The following URM1 variants were observed in gnomAD, a reference collection of about 807,000 sequenced individuals.
URM1 encodes the protein ubiquitin-related modifier 1.
A neutral mutation model predicts 17.7 loss-of-function variants in URM1; 11 were observed. The observed-to-expected ratio is 0.62, with a 90% CI of 0.39 to 1.03. The LOEUF is 1.03. URM1 is among the 50% of genes least tolerant of loss of function. The pLI, the probability that URM1 is intolerant of heterozygous loss-of-function variation, is 0.00. For synonymous variants in URM1, 48 were observed against 50.6 expected (o/e 0.95, Z 0.22); for missense variants, 128 against 129.2 (o/e 0.99, Z 0.04).
rs1254288088 is a variant in URM1, at chr9:128,387,912, T to A, written c.188+15T>A. 6.2e-7 allele frequency: 1 copy of A among 1,613,884 alleles called. No individual in the cohort carries two copies. Among genetic ancestry groups the A allele is most frequent in the East Asian group, 2.2e-5 (1 of 44,880 alleles). Reference sequence around the variant, plus strand: ...GGAGACAGCGTGTGAGTCCCACTCCTCCCTTCCCTGAAGCAGGTGGAGGGA... The same window carrying A: ...GGAGACAGCGTGTGAGTCCCACTCCACCCTTCCCTGAAGCAGGTGGAGGGA... On this transcript the variant is annotated intron_variant, in intron 3 of 4. Coordinates refer to ENST00000372853, the MANE Select transcript of URM1 (RefSeq NM_030914.4). The surrounding 1 kb of genome is among the most constrained non-coding windows in gnomAD (Gnocchi z 4.3).
At chr9:128,388,419 G>A (rs1564413338) in intron 3 of URM1, 1 of 986,146 alleles carries the variant, frequency 1.0e-6, no homozygotes, top group Non-Finnish European at 1.2e-6. Context: ...TAGAAGCCCA[G>A]TGCAGTCTCC....
intron 3 of URM1, chr9:128,388,361 C>T (rs1265248661): frequency 9.1e-6 from 9 of 993,002 alleles, no homozygotes; most frequent in East Asian, 1.1e-4. Flanking sequence ...TGACTCTGTG[C>T]GTGCACACAC....
intron 1 of URM1, among the ~76,000 whole-genome samples, chr9:128,377,065 A>G (rs1035922402): frequency 1.3e-5 from 2 of 152,190 alleles, no homozygotes; most frequent in Non-Finnish European, 2.9e-5. Context: ...TATGTCACCA[A>G]GGCTCTATTT....
Position 128,389,254 on chromosome 9 carries a change from C to A in URM1, c.189-7C>A, listed in dbSNP as rs1418748987. The A allele has an allele frequency of 2.5e-6, 4 of 1,591,848 alleles. No individual in the cohort carries two copies. The highest frequency in any genetic ancestry group is 3.4e-6 in the Non-Finnish European group (4 of 1,166,604). On this transcript the variant is annotated splice_region_variant and splice_polypyrimidine_tract_variant and intron_variant, in intron 3 of 4. Transcript: ENST00000372853. The stretch of plus-strand genomic sequence containing the variant: ...CTCCTTGCTACTCACCACCATCTTT[C>A]CCACAGGCGGCCAGGAATTCTGGTG...
Position 128,389,876 on chromosome 9 carries a change from A to G in URM1, c.*142A>G, listed in dbSNP as rs966704562. Reference sequence around the variant, plus strand: ...CCCCTAAGCTCCCTCCAGGCAGGGAAAAGAGGCCAGGTGCTAAAAATGAGC... The same window carrying G: ...CCCCTAAGCTCCCTCCAGGCAGGGAGAAGAGGCCAGGTGCTAAAAATGAGC... On this transcript the variant is annotated 3_prime_UTR_variant, in exon 5 of 5. Coordinates refer to ENST00000372853, the MANE Select transcript of URM1 (RefSeq NM_030914.4). The G allele has an allele frequency of 5.9e-6, 7 of 1,180,962 alleles. No homozygotes were observed. Among genetic ancestry groups the G allele is most frequent in the African/African-American group, 1.6e-5 (1 of 64,438 alleles). 73.2% of individuals were successfully genotyped at this position (1,180,962 alleles called of 1,614,324 possible). A position where few individuals can be genotyped will look rare whatever the true frequency, so the allele number is the denominator to read the frequency against.
At chr9:128,381,063 A>G (rs1362912036) in intron 2 of URM1, among the ~76,000 whole-genome samples, 2 of 151,970 alleles carry the variant, frequency 1.3e-5, no homozygotes, top group African/African-American at 4.8e-5. Context: ...TGACCTGGTG[A>G]TCCGCCCGCC....
In URM1 at chr9:128,371,390, C is replaced by T. The variant is rs1268606595; in HGVS notation, c.10C>T (p.Pro4Ser). MAA[P>S]LSVEVEFGGG... ...GCTCGGCTTCCTCAACATGGCTGCG[C>T]CCTTGTCAGTGGAGGTGGAGTTCGG... The change falls in exon 1 of 5, where the codon CCC (proline) becomes TCC (serine). Residue 4 changes from proline to serine, a missense_variant. Transcript: ENST00000372853. The T allele has an allele frequency of 6.2e-7, 1 of 1,613,048 alleles. No individual in the cohort carries two copies. The highest frequency in any genetic ancestry group is 1.7e-5 in the Admixed American group (1 of 59,954).
At chr9:128,378,253 ACACGGC>A (rs1833104603) in intron 2 of URM1, 147 bp downstream of exon 2, 2 of 601,786 alleles carry the variant, frequency 3.3e-6, no homozygotes, top group Non-Finnish European at 5.6e-6. Context: ...ACAAGAGTCT[ACACGGC>A]TGGGCCGGGT....
chr9:128,383,809 C>G (rs1833191771), intron 2 of URM1, among the ~76,000 whole-genome samples: 1 of 152,188 alleles, frequency 6.6e-6, no homozygotes, highest in Non-Finnish European at 1.5e-5. Flanking sequence ...CCTTTGGGGC[C>G]CTCCCACAGT....
At chr9:128,388,273 C>A in intron 3 of URM1, 2 of 1,075,834 alleles carry the variant, frequency 1.9e-6, no homozygotes, top group Non-Finnish European at 2.3e-6. Flanking sequence ...TGTTTTATTT[C>A]ATTGTAATTT....
chr9:128,376,137 A>AT (rs1833073490), intron 1 of URM1, among the ~76,000 whole-genome samples: 1 of 151,524 alleles, frequency 6.6e-6, no homozygotes, highest in Non-Finnish European at 1.5e-5. Flanking sequence ...CTTTGGGAGG[A>AT]TTGCTTGAGC....
At chr9:128,374,791 A>G (rs1346552558) in intron 1 of URM1, among the ~76,000 whole-genome samples, 1 of 152,178 alleles carries the variant, frequency 6.6e-6, no homozygotes, top group East Asian at 1.9e-4. Context: ...GAAGTCTGAG[A>G]TGGGAATTGG....
At chr9:128,386,732 A>T (rs1359761907) in intron 2 of URM1, among the ~76,000 whole-genome samples, 3 of 152,196 alleles carry the variant, frequency 2.0e-5, no homozygotes. Flanking sequence ...CAGGCAGGAA[A>T]ATCAAGGCCT....
At chr9:128,375,209 T>C (rs1300374558) in intron 1 of URM1, among the ~76,000 whole-genome samples, 1 of 152,212 alleles carries the variant, frequency 6.6e-6, no homozygotes, top group African/African-American at 2.4e-5. Context: ...GGTGAGGCGA[T>C]GTGAACAGTT....
At chr9:128,388,618 G>C in intron 3 of URM1, 1 of 986,258 alleles carries the variant, frequency 1.0e-6, no homozygotes, top group South Asian at 4.7e-5. Context: ...GGTCCTGGAG[G>C]CCACCTCTAA....
intron 3 of URM1, chr9:128,388,659 T>G: frequency 1.0e-6 from 1 of 986,114 alleles, no homozygotes; most frequent in Non-Finnish European, 1.2e-6. Flanking sequence ...CCATTACCAG[T>G]GGGAGCCAGG....
intron 2 of URM1, among the ~76,000 whole-genome samples, chr9:128,385,820 C>T (rs539547387): frequency 2.0e-5 from 3 of 151,674 alleles, no homozygotes; most frequent in African/African-American, 4.8e-5. Flanking sequence ...ATACGAGTGG[C>T]GATGCGGTAG....
At chr9:128,382,222 C>A (rs1833168064) in intron 2 of URM1, among the ~76,000 whole-genome samples, 2 of 152,028 alleles carry the variant, frequency 1.3e-5, no homozygotes, top group Non-Finnish European at 2.9e-5. Flanking sequence ...CCTGTTGTGC[C>A]CAGAGGCATG....
chr9:128,380,253 G>A (rs1833141237), intron 2 of URM1, among the ~76,000 whole-genome samples: 2 of 152,218 alleles, frequency 1.3e-5, no homozygotes, highest in Admixed American at 1.3e-4. Context: ...ACTGGCTGCC[G>A]CACCTCTCTG....
Sources: gnomAD v4.1 joint callset for allele counts (sites outside exome capture counted in the v4.1 genomes callset) on GRCh38, gnomAD v4.1.1 for gene constraint, Gnocchi (gnomAD v3.1) non-coding constraint, MANE v1.5 for transcripts, NCBI Gene and HGNC (gene_info 2026-07-23, HGNC 2026-07-21) for gene names.